SEZ6L: variants seen among roughly 807,000 people sequenced by gnomAD.
SEZ6L encodes seizure 6-like protein.
SEZ6L carries 37 observed loss-of-function variants against 106.2 expected under a neutral mutation model. The ratio of observed to expected loss-of-function variants is 0.35; its 90% CI spans 0.27 to 0.46. The LOEUF is 0.46. Among genes scored for constraint, SEZ6L ranks in the 20% least tolerant of loss-of-function variants. The probability of loss-of-function intolerance (pLI) is 1.00; values close to 1 mark genes in which losing one functional copy is unlikely to be tolerated. For missense variants in SEZ6L, 1,172 were observed against 1,332.8 expected (o/e 0.88, Z 1.88); for synonymous variants, 541 against 570.4 (o/e 0.95, Z 0.73).
intron 13 of SEZ6L, among the ~76,000 whole-genome samples, chr22:26,372,855 C>T (rs2084085243): frequency 6.6e-6 from 1 of 152,224 alleles, no homozygotes; most frequent in Admixed American, 6.5e-5. Flanking sequence ...GAGAGGTTTA[C>T]ATAGATAGTC....
At chr22:26,353,067 G>A (rs1220922383) in intron 12 of SEZ6L, among the ~76,000 whole-genome samples, 1 of 152,156 alleles carries the variant, frequency 6.6e-6, no homozygotes, top group Non-Finnish European at 1.5e-5. Flanking sequence ...TTCTCAAAAA[G>A]GGACACTTTA....
intron 1 of SEZ6L, among the ~76,000 whole-genome samples, chr22:26,281,876 T>A (rs1343272458): frequency 3.3e-5 from 5 of 152,236 alleles, no homozygotes; most frequent in Non-Finnish European, 7.3e-5. Context: ...CACATCTTAC[T>A]TTTTAACATT....
chr22:26,209,680 T>G (rs1380042578), intron 1 of SEZ6L, among the ~76,000 whole-genome samples: 1 of 123,936 alleles, frequency 8.1e-6, no homozygotes, highest in Admixed American at 1.0e-4. Context: ...GAGAGATAGA[T>G]GACAGGAAGG....
At chr22:26,315,297 T>C (rs2081966274) in intron 9 of SEZ6L, among the ~76,000 whole-genome samples, 1 of 152,066 alleles carries the variant, frequency 6.6e-6, no homozygotes, top group Non-Finnish European at 1.5e-5. Flanking sequence ...CCCAACAACA[T>C]AGAGGCATCC....
At chr22:26,185,192 C>T (rs1294368027) in intron 1 of SEZ6L, among the ~76,000 whole-genome samples, 1 of 152,234 alleles carries the variant, frequency 6.6e-6, no homozygotes, top group Non-Finnish European at 1.5e-5. Context: ...AAAAAGAGAG[C>T]TGGGGGATTC....
chr22:26,340,610 G>A lies in SEZ6L; in HGVS notation c.2190G>A (p.Gln730=). The part of the protein sequence containing the change: ...DPAGLIFGKG[Q]GFIMNYIEVS... ...CTGGCCTCATCTTTGGAAAGGGCCA[G>A]GGATTTATCATGAACTACATAGGTA... The change falls in exon 10 of 17, where the codon CAG becomes CAA. Residue 730 remains glutamine, a synonymous_variant. Coordinates refer to ENST00000248933, the MANE Select transcript of SEZ6L (RefSeq NM_021115.5). 6.2e-7 allele frequency: 1 copy of A among 1,613,798 alleles called. No individual in the cohort carries two copies. The highest frequency in any genetic ancestry group is 8.5e-7 in the Non-Finnish European group (1 of 1,179,902).
At position 26,294,356 on chromosome 22, in the gene SEZ6L, G is replaced by C. The variant is rs748687603; in HGVS notation, c.900G>C (p.Leu300=). Residue 300 remains leucine, a synonymous_variant, in exon 3 of 17, where the codon CTG becomes CTC. Coordinates refer to ENST00000248933, the MANE Select transcript of SEZ6L (RefSeq NM_021115.5). ...TTGACTCCAGCGACTACCCACTGCT[G>C]CCCCTCAACAACTTTCTGGAGTGCA... is the stretch of plus-strand genomic sequence containing the variant. The part of the protein sequence containing the change: ...GYIDSSDYPL[L]PLNNFLECTY... The C allele has an allele frequency of 3.7e-5, 60 of 1,613,948 alleles. No homozygotes were observed. The highest frequency in any genetic ancestry group is 5.0e-5 in the Admixed American group (3 of 59,996).
In SEZ6L at chr22:26,311,782, C is replaced by T; in HGVS notation, c.1696C>T (p.His566Tyr). 1 of 1,614,010 alleles carries T rather than the reference C, an allele frequency of 6.2e-7. No individual in the cohort carries two copies. Reference protein sequence around the residue: ...NIRFEAFEKGHCYEPYIQNGN... With the variant: ...NIRFEAFEKGYCYEPYIQNGN... ...CCCTTCCTCAGCGTTTGAGAAAGGC[C>T]ACTGCTATGAGCCCTACATCCAGAA... is the stretch of plus-strand genomic sequence containing the variant. The change falls in exon 8 of 17, where the codon CAC becomes TAC. Residue 566 changes from histidine (H) to tyrosine (Y), a missense_variant. Around this residue, in one of 4 missense-constraint regions of SEZ6L, gnomAD observed 534 missense variants for 691.0 expected, o/e 0.77. Coordinates refer to ENST00000248933, the MANE Select transcript of SEZ6L (RefSeq NM_021115.5).
intron 9 of SEZ6L, among the ~76,000 whole-genome samples, chr22:26,325,791 T>C (rs1018932605): frequency 3.9e-5 from 6 of 152,118 alleles, no homozygotes; most frequent in African/African-American, 1.2e-4. Flanking sequence ...AATCATACCA[T>C]GTGCAGAAGC....
At chr22:26,279,934 G>C (rs1302969534) in intron 1 of SEZ6L, among the ~76,000 whole-genome samples, 1 of 152,132 alleles carries the variant, frequency 6.6e-6, no homozygotes, top group Non-Finnish European at 1.5e-5. Flanking sequence ...AGGTGACAAA[G>C]GGAGTTAATT....
In SEZ6L at chr22:26,282,490, A is replaced by G. The variant is rs555608721; in HGVS notation, c.95-9916A>G. 2.0e-5 allele frequency among the ~76,000 whole-genome samples: 3 copies of G among 152,234 alleles called. No homozygotes were observed. The East Asian group carries it at 5.8e-4, about 29-fold the overall frequency. ...ACTGTCTTCCTAGCCCTCATTTACC[A>G]TGGATCTCCAGTCTGACCTGTTACA... On this transcript the variant is annotated intron_variant, in intron 1 of 16. Coordinates refer to ENST00000248933, the MANE Select transcript of SEZ6L (RefSeq NM_021115.5).
intron 12 of SEZ6L, among the ~76,000 whole-genome samples, chr22:26,362,671 A>C (rs738404): frequency 0.7 from 105,667 of 151,572 alleles, 37,229 homozygotes; most frequent in East Asian, 0.96. Context: ...TATTTTCTGA[A>C]TAAATGCATG....
intron 1 of SEZ6L, among the ~76,000 whole-genome samples, chr22:26,265,329 GA>G (rs2080141028): frequency 6.6e-6 from 1 of 152,160 alleles, no homozygotes; most frequent in Non-Finnish European, 1.5e-5. Context: ...TGCCTTGTGT[GA>G]ACAGAACCTC....
chr22:26,311,756 TC>T lies in SEZ6L; in HGVS notation c.1682-9del. Reference sequence around the variant, plus strand: ...CATCATCTGAACTGCTGCCTCTCTTTCCCTTCCTCAGCGTTTGAGAAAGGCC... The same window carrying T: ...CATCATCTGAACTGCTGCCTCTCTTTCCTTCCTCAGCGTTTGAGAAAGGCC... On this transcript the variant is annotated splice_polypyrimidine_tract_variant and intron_variant, in intron 7 of 16. Coordinates refer to ENST00000248933, the MANE Select transcript of SEZ6L (RefSeq NM_021115.5). 1 of 1,612,306 alleles carries T rather than the reference TC, an allele frequency of 6.2e-7. No homozygotes were observed.
intron 1 of SEZ6L, among the ~76,000 whole-genome samples, chr22:26,266,578 TAAATAAATAAATA>T (rs1205421084): frequency 9.0e-5 from 1 of 11,070 alleles, no homozygotes; most frequent in African/African-American, 1.5e-3. Flanking sequence ...GTCTCAAAAA[TAAATAAATAAATA>T]AATAAATAAA....
chr22:26,250,146 G>A (rs1011168164), intron 1 of SEZ6L, among the ~76,000 whole-genome samples: 6 of 151,994 alleles, frequency 3.9e-5, no homozygotes, highest in African/African-American at 1.2e-4. Context: ...TGTTTTCTTT[G>A]CTGTGTAGAA....
intron 11 of SEZ6L, among the ~76,000 whole-genome samples, chr22:26,348,513 A>G (rs867682033): frequency 3.0e-5 from 1 of 33,166 alleles, no homozygotes; most frequent in Non-Finnish European, 4.8e-5. Flanking sequence ...TGGGAGAGAG[A>G]GAAGGAAGGA....
intron 1 of SEZ6L, among the ~76,000 whole-genome samples, chr22:26,192,027 C>G (rs1342626260): frequency 1.3e-5 from 2 of 152,078 alleles, no homozygotes; most frequent in Non-Finnish European, 2.9e-5. Context: ...TCCACTCATT[C>G]TCCCCTGTCC....
intron 7 of SEZ6L, 101 bp downstream of exon 7, chr22:26,310,937 G>T: frequency 8.3e-7 from 1 of 1,211,362 alleles, no homozygotes; most frequent in Non-Finnish European, 1.2e-6. Flanking sequence ...GAAGGATGTG[G>T]GAAATCCCAT....
Sources: gnomAD v4.1 joint callset for allele counts (sites outside exome capture counted in the v4.1 genomes callset) on GRCh38, gnomAD v4.1.1 for gene constraint, gnomAD v4.1.1 regional missense constraint, MANE v1.5 for transcripts, NCBI Gene and HGNC (gene_info 2026-07-23, HGNC 2026-07-21) for gene names.